The following HIF1AN variants were observed in gnomAD, a reference collection of about 807,000 sequenced individuals.
The protein encoded by HIF1AN is hypoxia inducible factor 1 subunit alpha inhibitor.
A neutral mutation model predicts 47.7 loss-of-function variants in HIF1AN; 21 were observed. The ratio of observed to expected loss-of-function variants is 0.44; its 90% CI spans 0.31 to 0.63. The LOEUF is 0.63. Ranked by LOEUF, HIF1AN falls within the 30% of genes least tolerant of loss-of-function variation. The pLI, the probability that HIF1AN is intolerant of heterozygous loss-of-function variation, is 0.07. For synonymous variants in HIF1AN, 152 were observed against 155.9 expected (o/e 0.98, Z 0.18); for missense variants, 320 against 432.7 (o/e 0.74, Z 2.31).
chr10:100,544,933 A>T lies in HIF1AN; in HGVS notation c.578-18A>T. Reference sequence around the variant, plus strand: ...TAGAACCACTGCTCTGCATAAGAAAATGCCTTTCTTCTTACAGGAAATGTG... The same window carrying T: ...TAGAACCACTGCTCTGCATAAGAAATTGCCTTTCTTCTTACAGGAAATGTG... On this transcript the variant is annotated intron_variant, in intron 3 of 7. Transcript: ENST00000299163. 3 of 1,613,730 alleles carry T rather than the reference A, an allele frequency of 1.9e-6. No homozygotes were observed. The highest frequency in any genetic ancestry group is 2.5e-6 in the Non-Finnish European group (3 of 1,179,640).
chr10:100,540,815 A>T, intron 3 of HIF1AN, 33 bp downstream of exon 3: 1 of 1,575,958 alleles, frequency 6.3e-7, no homozygotes. Flanking sequence ...CATGGCTTGG[A>T]GTCATATGAA....
At position 100,552,755 on chromosome 10, in the gene HIF1AN, A is replaced by T. The variant is rs1429883197; in HGVS notation, c.*4618A>T. 1 of 152,188 alleles carries T rather than the reference A, an allele frequency of 6.6e-6. No individual in the cohort carries two copies. The highest frequency in any genetic ancestry group is 1.5e-5 in the Non-Finnish European group (1 of 68,152). 9.4% of individuals were successfully genotyped at this position (152,188 alleles called of 1,614,324 possible). A position where few individuals can be genotyped will look rare whatever the true frequency, so the allele number is the denominator to read the frequency against. ...GGATCCCTCTCTCTGGTCATCCCTG[A>T]TCATCTTAGGGCCGTCTCCCTTTTC... On this transcript the variant is annotated 3_prime_UTR_variant, in exon 8 of 8. Transcript: ENST00000299163.
rs1843207139 is a variant in HIF1AN at position 100,555,476 on chromosome 10, C to G, written c.*7339C>G. On this transcript the variant is annotated 3_prime_UTR_variant, in exon 8 of 8. Transcript: ENST00000299163. ...TTCTCAGCCCTTTCCACATCATGAT[C>G]CCATTAATCTCTTGGGTCTATCCCC... 1 of 152,348 alleles carries G rather than the reference C, an allele frequency of 6.6e-6. No individual in the cohort carries two copies. The highest frequency in any genetic ancestry group is 2.4e-5 in the African/African-American group (1 of 41,574). 9.4% of individuals were successfully genotyped at this position (152,348 alleles called of 1,614,324 possible).
chr10:100,553,909 G>C lies in HIF1AN; in HGVS notation c.*5772G>C, dbSNP rs112284015. 6.6e-6 allele frequency: 1 copy of C among 152,224 alleles called. No homozygotes were observed. Among genetic ancestry groups the C allele is most frequent in the Non-Finnish European group, 1.5e-5 (1 of 68,044 alleles). 9.4% of individuals were successfully genotyped at this position (152,224 alleles called of 1,614,324 possible). A position where few individuals can be genotyped will look rare whatever the true frequency, so the allele number is the denominator to read the frequency against. Reference sequence around the variant, plus strand: ...AAGCACTTAATAAATGGCTGTGGTGGTGGTGGTTATATTTATTATGTGATT... The same window carrying C: ...AAGCACTTAATAAATGGCTGTGGTGCTGGTGGTTATATTTATTATGTGATT... On this transcript the variant is annotated 3_prime_UTR_variant, in exon 8 of 8. Transcript: ENST00000299163.
chr10:100,540,784 T>A lies in HIF1AN; in HGVS notation c.577+2T>A. 6.2e-7 allele frequency: 1 copy of A among 1,601,300 alleles called. No homozygotes were observed. Among genetic ancestry groups the A allele is most frequent in the Non-Finnish European group, 8.5e-7 (1 of 1,176,648 alleles). On this transcript the variant is annotated splice_donor_variant, in intron 3 of 7. Transcript: ENST00000299163. LOFTEE classifies it high-confidence loss of function. Reference sequence around the variant, plus strand: ...ACCTGCTGCTCATTGGCATGGAAGGTAAGAAATCTTTCAAAAGCAGCATGG... The same window carrying A: ...ACCTGCTGCTCATTGGCATGGAAGGAAAGAAATCTTTCAAAAGCAGCATGG...
intron 3 of HIF1AN, 145 bp downstream of exon 3, chr10:100,540,927 A>G: frequency 1.3e-6 from 1 of 798,494 alleles, no homozygotes; most frequent in South Asian, 2.0e-5. Flanking sequence ...AAAGAAACAT[A>G]ATAGGGGCTG....
rs774308606 is a variant in HIF1AN at position 100,552,586 on chromosome 10, T to G, written c.*4449T>G. 4 of 152,360 alleles carry G rather than the reference T, an allele frequency of 2.6e-5. No homozygotes were observed. Among genetic ancestry groups the G allele is most frequent in the Non-Finnish European group, 5.9e-5 (4 of 68,150 alleles). 9.4% of individuals were successfully genotyped at this position (152,360 alleles called of 1,614,324 possible). ...CTCTAAAGGGATGTTCCAGCCTCCC[T>G]CTCCAGAGCTGCCTGCAGTTTCCCT... On this transcript the variant is annotated 3_prime_UTR_variant, in exon 8 of 8. Transcript: ENST00000299163.
At chr10:100,547,275 C>T (rs1564663899) in intron 7 of HIF1AN, 25 bp downstream of exon 7, 1 of 1,500,832 alleles carries the variant, frequency 6.7e-7, no homozygotes, top group South Asian at 1.1e-5. Context: ...CAAGGTGGCT[C>T]AGTGGGTGGG....
intron 3 of HIF1AN, among the ~76,000 whole-genome samples, chr10:100,542,413 G>A (rs545187197): frequency 3.9e-5 from 6 of 152,196 alleles, no homozygotes; most frequent in African/African-American, 1.4e-4. Context: ...GAGTGCAGTG[G>A]CGCGATCTCG....
At chr10:100,542,432 C>A (rs1843044904) in intron 3 of HIF1AN, among the ~76,000 whole-genome samples, 1 of 152,188 alleles carries the variant, frequency 6.6e-6, no homozygotes, top group South Asian at 2.1e-4. Flanking sequence ...CGGCTCACTA[C>A]AAGCTCCGCC....
intron 3 of HIF1AN, among the ~76,000 whole-genome samples, chr10:100,542,577 G>A (rs890076121): frequency 6.6e-6 from 1 of 152,130 alleles, no homozygotes; most frequent in South Asian, 2.1e-4. Context: ...GGATGGTCTC[G>A]ATATCCTGAC....
At chr10:100,546,456 T>TG in intron 5 of HIF1AN, 62 bp from the exon 6 acceptor site, 2 of 679,322 alleles carry the variant, frequency 2.9e-6, no homozygotes, top group South Asian at 1.5e-5. Context: ...CCCCCGCACT[T>TG]CGCCCCTCCG....
At position 100,548,202 on chromosome 10, in the gene HIF1AN, G is replaced by A. The variant is rs1843113048; in HGVS notation, c.*65G>A. On this transcript the variant is annotated 3_prime_UTR_variant, in exon 8 of 8. Transcript: ENST00000299163. ...CCCGTCCACACCGCTTCATTGATGAGGACAGGAGACTCCAAGCGCTAGTAT... is the reference window on the plus strand; with the variant it reads ...CCCGTCCACACCGCTTCATTGATGAAGACAGGAGACTCCAAGCGCTAGTAT... 2.1e-6 allele frequency: 3 copies of A among 1,404,640 alleles called. No homozygotes were observed. Among genetic ancestry groups the A allele is most frequent in the Non-Finnish European group, 2.9e-6 (3 of 1,025,822 alleles). The allele number at this position is 1,404,640 out of a possible 1,614,324, so 87.0% of individuals were successfully genotyped here.
At position 100,548,807 on chromosome 10, in the gene HIF1AN, A is replaced by G. The variant is rs991587195; in HGVS notation, c.*670A>G. 4 of 152,762 alleles carry G rather than the reference A, an allele frequency of 2.6e-5. No homozygotes were observed. The highest frequency in any genetic ancestry group is 9.6e-5 in the African/African-American group (4 of 41,554). 9.5% of individuals were successfully genotyped at this position (152,762 alleles called of 1,614,324 possible). A position where few individuals can be genotyped will look rare whatever the true frequency, so the allele number is the denominator to read the frequency against. ...ATTAGATAGGGTTCCAACTGGGCCTACAAGCTCAAGCCATACATAAAAGGA... is the reference window on the plus strand; with the variant it reads ...ATTAGATAGGGTTCCAACTGGGCCTGCAAGCTCAAGCCATACATAAAAGGA... On this transcript the variant is annotated 3_prime_UTR_variant, in exon 8 of 8. Coordinates refer to ENST00000299163, the MANE Select transcript of HIF1AN (RefSeq NM_017902.3).
chr10:100,536,704 C>T (rs10883509), intron 2 of HIF1AN, 43 bp downstream of exon 2: 344,620 of 1,605,296 alleles, frequency 0.21, 37,863 homozygotes, highest in South Asian at 0.23. Flanking sequence ...TTAGGACACT[C>T]ATTTTTCTTT....
intron 7 of HIF1AN, among the ~76,000 whole-genome samples, 194 bp from the exon 8 acceptor site, chr10:100,547,899 A>G (rs1843109603): frequency 6.6e-6 from 1 of 151,640 alleles, no homozygotes; most frequent in Non-Finnish European, 1.5e-5. Flanking sequence ...TACAAGATGG[A>G]CCCCTGAGGG....
At chr10:100,546,671 G>A (rs963928975) in intron 6 of HIF1AN, 90 bp downstream of exon 6, 12 of 937,842 alleles carry the variant, frequency 1.3e-5, no homozygotes, top group Non-Finnish European at 1.9e-5. Context: ...TGGGATGGTT[G>A]ACTATCCCTG....
chr10:100,545,191 G>T (rs1454207053), intron 4 of HIF1AN, 95 bp downstream of exon 4: 8 of 1,363,184 alleles, frequency 5.9e-6, no homozygotes, highest in African/African-American at 4.3e-5. Context: ...GATATGCCAG[G>T]TTCGGATTAC....
In HIF1AN at chr10:100,552,023, GCTCTGAGGC is replaced by G. The variant is rs950767683; in HGVS notation, c.*3897_*3905del. ...AGTGCAGCTGTGGCTGTGTGGAGGGGCTCTGAGGCCTCTGAGGCCAGATGTGTAAACAGT... is the reference window on the plus strand; with the variant it reads ...AGTGCAGCTGTGGCTGTGTGGAGGGGCTCTGAGGCCAGATGTGTAAACAGT... On this transcript the variant is annotated 3_prime_UTR_variant, in exon 8 of 8. Coordinates refer to ENST00000299163, the MANE Select transcript of HIF1AN (RefSeq NM_017902.3). The G allele has an allele frequency of 4.6e-5, 7 of 152,246 alleles. 1 individual carries two copies. The highest frequency in any genetic ancestry group is 7.2e-5 in the African/African-American group (3 of 41,448). 9.4% of individuals were successfully genotyped at this position (152,246 alleles called of 1,614,324 possible).
Sources: gnomAD v4.1 joint callset for allele counts (sites outside exome capture counted in the v4.1 genomes callset) on GRCh38, gnomAD v4.1.1 for gene constraint, MANE v1.5 for transcripts, NCBI Gene and HGNC (gene_info 2026-07-23, HGNC 2026-07-21) for gene names.